The following TNFSF4 variants were observed in gnomAD, a reference collection of about 807,000 sequenced individuals.
TNFSF4 encodes tumor necrosis factor ligand superfamily member 4.
A neutral mutation model predicts 7.3 loss-of-function variants in TNFSF4; 4 were observed. The observed-to-expected ratio is 0.55, with a 90% CI of 0.27 to 1.25. The LOEUF is 1.25. Ranked by LOEUF, TNFSF4 falls within the 50% of genes most tolerant of loss-of-function variation. TNFSF4 has a pLI of 0.12. For synonymous variants in TNFSF4, 76 were observed against 83.7 expected, an observed-to-expected ratio of 0.91 and a Z score of 0.50; for missense variants, 181 against 208.8, an observed-to-expected ratio of 0.87 and a Z score of 0.82.
At chr1:173,399,991 C>A in the TNFSF4 span, among the ~76,000 whole-genome samples, 1 of 152,200 alleles carries the variant, frequency 6.6e-6, no homozygotes, top group East Asian at 1.9e-4. Context: ...ATGGAAGGGG[C>A]AGTGTTTTGT....
At chr1:173,324,642 A>AG in the TNFSF4 span, among the ~76,000 whole-genome samples, 1 of 152,220 alleles carries the variant, frequency 6.6e-6, no homozygotes, top group Non-Finnish European at 1.5e-5. Context: ...AGACACACAT[A>AG]GGCTCAAAAT....
At chr1:173,355,077 T>C in the TNFSF4 span, among the ~76,000 whole-genome samples, 5 of 152,178 alleles carry the variant, frequency 3.3e-5, no homozygotes, top group Non-Finnish European at 4.4e-5. Flanking sequence ...CTTTTCCAGC[T>C]TCTAGCAGCC....
At chr1:173,201,934 C>T (rs1649958618) in intron 1 of TNFSF4, among the ~76,000 whole-genome samples, 1 of 152,044 alleles carries the variant, frequency 6.6e-6, no homozygotes, top group Admixed American at 6.6e-5. Context: ...GTAATAACAA[C>T]ACTGTATGTA....
the TNFSF4 span, among the ~76,000 whole-genome samples, chr1:173,375,802 C>T: frequency 6.6e-6 from 1 of 152,110 alleles, no homozygotes; most frequent in Admixed American, 6.5e-5. Flanking sequence ...CACTCAGGTC[C>T]CCTTCCACAC....
At chr1:173,428,422 T>C in the TNFSF4 span, among the ~76,000 whole-genome samples, 1 of 152,178 alleles carries the variant, frequency 6.6e-6, no homozygotes, top group Non-Finnish European at 1.5e-5. Flanking sequence ...GTTTTTCAAC[T>C]GATTGCCAGG....
chr1:173,305,421 C>T, the TNFSF4 span, among the ~76,000 whole-genome samples: 4 of 151,854 alleles, frequency 2.6e-5, no homozygotes, highest in African/African-American at 7.2e-5. Context: ...TCAAATGAAC[C>T]TTTAAGCCCC....
chr1:173,233,450 C>A, the TNFSF4 span, among the ~76,000 whole-genome samples: 1 of 152,052 alleles, frequency 6.6e-6, no homozygotes, highest in Non-Finnish European at 1.5e-5. Flanking sequence ...CAAGGCAGGC[C>A]AACATTCAAA....
the TNFSF4 span, among the ~76,000 whole-genome samples, chr1:173,407,373 G>A: frequency 4.6e-5 from 7 of 151,674 alleles, no homozygotes; most frequent in African/African-American, 9.7e-5. Flanking sequence ...CACCCTAGGC[G>A]ATATGACGAA....
At chr1:173,227,162 T>C in the TNFSF4 span, among the ~76,000 whole-genome samples, 10 of 151,984 alleles carry the variant, frequency 6.6e-5, no homozygotes. Flanking sequence ...TTCATAAATA[T>C]TTTTACCCTT....
chr1:173,352,482 C>A, the TNFSF4 span, among the ~76,000 whole-genome samples: 1 of 152,088 alleles, frequency 6.6e-6, no homozygotes, highest in African/African-American at 2.4e-5. Flanking sequence ...CATCACATGT[C>A]GGCAGGTTCC....
At chr1:173,334,993 T>G in the TNFSF4 span, among the ~76,000 whole-genome samples, 1 of 152,028 alleles carries the variant, frequency 6.6e-6, no homozygotes, top group Non-Finnish European at 1.5e-5. Context: ...GGAACATGTG[T>G]AGGAATGGAC....
chr1:173,294,429 A>G, the TNFSF4 span, among the ~76,000 whole-genome samples: 2 of 151,992 alleles, frequency 1.3e-5, no homozygotes, highest in Non-Finnish European at 2.9e-5. Context: ...AGATATAGGA[A>G]CAATAGACAC....
rs151082733 is a variant in TNFSF4, at chr1:173,197,469, A to G, written c.154-8900T>C. ...ATCAGTGATAGACTGGAGAAAGAAAATGTGGTACATATACACCATGGAATG... is the reference window on the plus strand; with the variant it reads ...ATCAGTGATAGACTGGAGAAAGAAAGTGTGGTACATATACACCATGGAATG... On this transcript the variant is annotated intron_variant, in intron 1 of 2. Coordinates refer to ENST00000281834, the MANE Select transcript of TNFSF4 (RefSeq NM_003326.5). Among the ~76,000 whole-genome samples the G allele has an allele frequency of 4.2e-3, 642 of 152,376 alleles. 5 individuals are homozygous for G. Among genetic ancestry groups the G allele is most frequent in the African/African-American group, 0.015 (613 of 41,590 alleles).
the TNFSF4 span, among the ~76,000 whole-genome samples, chr1:173,289,351 T>C: frequency 2.0e-5 from 3 of 152,128 alleles, no homozygotes; most frequent in African/African-American, 7.2e-5. Flanking sequence ...TTTTAGTTAA[T>C]GAATGCTATC....
the TNFSF4 span, among the ~76,000 whole-genome samples, chr1:173,282,387 A>G: frequency 6.6e-6 from 1 of 152,154 alleles, no homozygotes; most frequent in African/African-American, 2.4e-5. Context: ...AGTTTGTTAT[A>G]GGATCTTATA....
the TNFSF4 span, among the ~76,000 whole-genome samples, chr1:173,272,262 G>A: frequency 6.6e-6 from 1 of 152,044 alleles, no homozygotes; most frequent in East Asian, 1.9e-4. Flanking sequence ...GTTAATGGGT[G>A]CAGCACACCA....
the TNFSF4 span, among the ~76,000 whole-genome samples, chr1:173,368,277 C>T: frequency 1.3e-5 from 2 of 152,118 alleles, no homozygotes; most frequent in Non-Finnish European, 2.9e-5. Flanking sequence ...CTACCACTCA[C>T]TCTTTGGGTC....
At chr1:173,334,537 T>A in the TNFSF4 span, among the ~76,000 whole-genome samples, 26 of 152,168 alleles carry the variant, frequency 1.7e-4, no homozygotes, top group African/African-American at 6.3e-4. Context: ...AAACATAGAA[T>A]CTCATCCTGC....
At chr1:173,387,734 T>A in the TNFSF4 span, among the ~76,000 whole-genome samples, 3 of 152,298 alleles carry the variant, frequency 2.0e-5, no homozygotes, top group East Asian at 5.8e-4. Context: ...GAAGAAGATA[T>A]TTTTAAATTT....
Sources: allele counts gnomAD v4.1 joint callset (sites outside exome capture counted in the v4.1 genomes callset), GRCh38; gene constraint gnomAD v4.1.1; transcripts MANE v1.5; gene names NCBI Gene and HGNC (gene_info 2026-07-23, HGNC 2026-07-21).